The following RSRC1 variants were observed in gnomAD, a reference collection of about 807,000 sequenced individuals.
RSRC1 encodes the protein serine/Arginine-related protein 53.
RSRC1 carries 39 observed loss-of-function variants against 49.1 expected under a neutral mutation model. The observed-to-expected ratio is 0.79, with a 90% CI of 0.61 to 1.04. The LOEUF (loss-of-function observed/expected upper bound fraction) is 1.04. Among genes scored for constraint, RSRC1 ranks in the 50% least tolerant of loss-of-function variants. The pLI is 0.00. For synonymous variants in RSRC1, 143 were observed against 130.8 expected (o/e 1.09, Z -0.63); for missense variants, 388 against 402.4 (o/e 0.96, Z 0.31).
chr3:158,238,837 CA>C (rs1233147230), intron 4 of RSRC1, among the ~76,000 whole-genome samples: 2 of 152,142 alleles, frequency 1.3e-5, no homozygotes, highest in Non-Finnish European at 2.9e-5. Flanking sequence ...ACACCAAAAG[CA>C]GTGGCAACAA....
intron 7 of RSRC1, among the ~76,000 whole-genome samples, chr3:158,532,453 G>C (rs766804782): frequency 1.3e-5 from 2 of 151,830 alleles, no homozygotes; most frequent in Non-Finnish European, 2.9e-5. Flanking sequence ...TTTAAAATTT[G>C]TATAACATTT....
chr3:158,177,965 T>C (rs918533887), intron 3 of RSRC1, among the ~76,000 whole-genome samples: 1 of 152,176 alleles, frequency 6.6e-6, no homozygotes, highest in Non-Finnish European at 1.5e-5. Context: ...AATTTTCTAT[T>C]TTTATGTGTG....
chr3:158,388,951 A>G (rs1316339242), intron 6 of RSRC1, among the ~76,000 whole-genome samples: 1 of 152,158 alleles, frequency 6.6e-6, no homozygotes, highest in African/African-American at 2.4e-5. Context: ...GAAATATACT[A>G]TCAAGTTGGA....
chr3:158,421,003 C>G (rs184385073), intron 6 of RSRC1, among the ~76,000 whole-genome samples: 1 of 151,982 alleles, frequency 6.6e-6, no homozygotes, highest in East Asian at 1.9e-4. Context: ...ATATAACAGA[C>G]AAGGCCAAAT....
intron 3 of RSRC1, among the ~76,000 whole-genome samples, chr3:158,154,545 AC>A (rs1246090340): frequency 6.7e-6 from 1 of 150,084 alleles, no homozygotes; most frequent in East Asian, 2.0e-4. Context: ...GCTCACTGCA[AC>A]CTCTGCCTCC....
At position 158,268,705 on chromosome 3, in the gene RSRC1, T is replaced by C. The variant is rs1176161613; in HGVS notation, c.495-29334T>C. On this transcript the variant is annotated intron_variant, in intron 4 of 9. Coordinates refer to ENST00000611884, the MANE Select transcript of RSRC1 (RefSeq NM_001271838.2). Reference sequence around the variant, plus strand: ...CCATGTTACTTAGTTATTATAATTGTTTTCTGTCAGCAGTTTTGTTCTGCC... The same window carrying C: ...CCATGTTACTTAGTTATTATAATTGCTTTCTGTCAGCAGTTTTGTTCTGCC... 2.0e-5 allele frequency among the ~76,000 whole-genome samples: 3 copies of C among 152,216 alleles called. No homozygotes were observed. In the East Asian group the frequency reaches 5.8e-4, roughly 29 times the overall value.
intron 7 of RSRC1, among the ~76,000 whole-genome samples, chr3:158,532,139 C>T (rs1560077922): frequency 6.6e-6 from 1 of 150,926 alleles, no homozygotes; most frequent in Non-Finnish European, 1.5e-5. Flanking sequence ...TATTTTTTTC[C>T]TGGAATAGTA....
intron 6 of RSRC1, among the ~76,000 whole-genome samples, chr3:158,422,524 T>G (rs1472910990): frequency 6.6e-6 from 1 of 150,876 alleles, no homozygotes; most frequent in Non-Finnish European, 1.5e-5. Context: ...TGAATAATGC[T>G]GCAATAAACA....
intron 7 of RSRC1, among the ~76,000 whole-genome samples, chr3:158,508,501 C>T (rs1027626054): frequency 6.6e-6 from 1 of 151,214 alleles, no homozygotes; most frequent in East Asian, 1.9e-4. Context: ...TTGTTTTTCT[C>T]TCTTTTTTTT....
intron 3 of RSRC1, among the ~76,000 whole-genome samples, chr3:158,158,856 T>C (rs2108222166): frequency 6.6e-6 from 1 of 151,826 alleles, no homozygotes; most frequent in South Asian, 2.1e-4. Flanking sequence ...AGAGAATTAC[T>C]TGAACCTGGG....
intron 6 of RSRC1, among the ~76,000 whole-genome samples, chr3:158,432,819 C>T (rs139919915): frequency 9.2e-5 from 14 of 151,808 alleles, no homozygotes; most frequent in South Asian, 2.1e-4. Context: ...TCATTTGTAG[C>T]CTTCATCTTA....
Position 158,379,836 on chromosome 3 carries a change from A to C in RSRC1, c.583+24928A>C, listed in dbSNP as rs1208120306. Among the ~76,000 whole-genome samples, 213 of 143,964 alleles carry C rather than the reference A, an allele frequency of 1.5e-3. 1 individual carries two copies. Among genetic ancestry groups the C allele is most frequent in the Non-Finnish European group, 2.4e-3 (159 of 65,658 alleles). The allele number at this position is 143,964 out of a possible 152,430, so 94.4% of individuals were successfully genotyped here. A position where few individuals can be genotyped will look rare whatever the true frequency, so the allele number is the denominator to read the frequency against. On this transcript the variant is annotated intron_variant, in intron 6 of 9. Coordinates refer to ENST00000611884, the MANE Select transcript of RSRC1 (RefSeq NM_001271838.2). The stretch of plus-strand genomic sequence containing the variant: ...CATGCACACACACACACACACACAC[A>C]CCCTCCCTCCCTCTTGTCCCATTTG...
chr3:158,180,587 C>T (rs746104555), intron 3 of RSRC1, among the ~76,000 whole-genome samples: 1 of 150,992 alleles, frequency 6.6e-6, no homozygotes, highest in African/African-American at 2.4e-5. Flanking sequence ...CTCACTCTCC[C>T]GAGTAGCTGG....
At chr3:158,194,120 A>T (rs1282355792) in intron 3 of RSRC1, among the ~76,000 whole-genome samples, 1 of 150,970 alleles carries the variant, frequency 6.6e-6, no homozygotes, top group Non-Finnish European at 1.5e-5. Flanking sequence ...AAATTAGCTG[A>T]GCATGGTGGC....
At chr3:158,198,871 T>C (rs1720838658) in intron 3 of RSRC1, among the ~76,000 whole-genome samples, 1 of 152,172 alleles carries the variant, frequency 6.6e-6, no homozygotes, top group Non-Finnish European at 1.5e-5. Context: ...TCCAATATTC[T>C]TCTTTATTAA....
chr3:158,441,602 A>G (rs1055968866), intron 6 of RSRC1, among the ~76,000 whole-genome samples: 3 of 152,118 alleles, frequency 2.0e-5, no homozygotes, highest in African/African-American at 2.4e-5. Context: ...TGTTATTCTC[A>G]AGTAATACTT....
chr3:158,282,692 G>A (rs986606125), intron 4 of RSRC1, among the ~76,000 whole-genome samples: 10 of 152,118 alleles, frequency 6.6e-5, no homozygotes, highest in African/African-American at 2.4e-4. Flanking sequence ...AGTTTAATTG[G>A]TTCTTGTACA....
intron 3 of RSRC1, among the ~76,000 whole-genome samples, chr3:158,154,250 G>A (rs1717724099): frequency 6.6e-6 from 1 of 152,254 alleles, no homozygotes; most frequent in Non-Finnish European, 1.5e-5. Context: ...ATGATCATTT[G>A]AGCCTTCGGT....
At chr3:158,168,895 A>T (rs556814032) in intron 3 of RSRC1, among the ~76,000 whole-genome samples, 1 of 152,234 alleles carries the variant, frequency 6.6e-6, no homozygotes, top group Admixed American at 6.6e-5. Context: ...AAGCTCCCCA[A>T]ACAACTGAAC....
Sources: gnomAD v4.1 joint callset for allele counts (sites outside exome capture counted in the v4.1 genomes callset) on GRCh38, gnomAD v4.1.1 for gene constraint, MANE v1.5 for transcripts, NCBI Gene and HGNC (gene_info 2026-07-23, HGNC 2026-07-21) for gene names.